Variants in STX8 observed in about 807,000 individuals in gnomAD.
STX8 encodes the protein syntaxin-8.
A neutral mutation model predicts 37.5 loss-of-function variants in STX8; 23 were observed. That is an observed-to-expected ratio of 0.61 (90% CI 0.44 to 0.87). The LOEUF is 0.87. STX8 is among the 40% of genes least tolerant of loss of function. STX8 has a pLI of 0.00. For synonymous variants in STX8, 115 were observed against 99.1 expected (o/e 1.16, Z -0.95); for missense variants, 313 against 284.7 (o/e 1.10, Z -0.71).
intron 6 of STX8, among the ~76,000 whole-genome samples, chr17:9,403,551 C>T (rs1912698832): frequency 6.6e-6 from 1 of 152,056 alleles, no homozygotes; most frequent in Non-Finnish European, 1.5e-5. Flanking sequence ...GAAATAGCAG[C>T]ATATTATTTA....
At chr17:9,460,731 C>G (rs958049583) in intron 6 of STX8, among the ~76,000 whole-genome samples, 7 of 149,688 alleles carry the variant, frequency 4.7e-5, no homozygotes, top group Admixed American at 6.7e-5. Context: ...ATATCTTTAT[C>G]ATGTAGAAAG....
intron 6 of STX8, among the ~76,000 whole-genome samples, chr17:9,444,151 T>TTC (rs768304552): frequency 1.4e-5 from 2 of 146,542 alleles, no homozygotes; most frequent in Non-Finnish European, 3.1e-5. Flanking sequence ...TCTTCTCTCT[T>TTC]TCTCTCTCTC....
intron 7 of STX8, among the ~76,000 whole-genome samples, chr17:9,363,766 A>G (rs1158419723): frequency 6.6e-6 from 1 of 152,114 alleles, no homozygotes; most frequent in African/African-American, 2.4e-5. Context: ...AAAAGATTCT[A>G]CTCTGTGATC....
In STX8 at chr17:9,378,557, G is replaced by A; in HGVS notation, c.638C>T (p.Ser213Phe). The A allele has an allele frequency of 6.2e-7, 1 of 1,613,308 alleles. No homozygotes were observed. Among genetic ancestry groups the A allele is most frequent in the Non-Finnish European group, 8.5e-7 (1 of 1,179,348 alleles). ...ATAACGTAGCTATCTCTTACCACAA[G>A]AGGCTGACTTTCTGTCCACCATGTT... ...RVNMVDRKSA[S>F]CGMIMVILLL... is the part of the protein sequence containing the mutation. Residue 213 changes from serine to phenylalanine, a missense_variant, in exon 7 of 8, where the codon TCT becomes TTT. Coordinates refer to ENST00000306357, the MANE Select transcript of STX8 (RefSeq NM_004853.3).
chr17:9,506,269 C>A (rs73973790), intron 4 of STX8, among the ~76,000 whole-genome samples: 1 of 152,068 alleles, frequency 6.6e-6, no homozygotes, highest in South Asian at 2.1e-4. Context: ...CAGGACACGA[C>A]CTTCTGACCA....
At chr17:9,359,501 A>AT (rs1567796890) in intron 7 of STX8, among the ~76,000 whole-genome samples, 6 of 111,636 alleles carry the variant, frequency 5.4e-5, no homozygotes, top group African/African-American at 1.4e-4. Flanking sequence ...ATGCTGAGAC[A>AT]TATTTTTTTT....
intron 7 of STX8, among the ~76,000 whole-genome samples, chr17:9,313,408 G>A (rs58408188): frequency 0.26 from 39,806 of 152,104 alleles, 6,576 homozygotes; most frequent in Non-Finnish European, 0.37. Flanking sequence ...ACCCAACCAA[G>A]TTTTGAGGAT....
intron 6 of STX8, among the ~76,000 whole-genome samples, chr17:9,382,648 G>A (rs1030414791): frequency 2.0e-5 from 3 of 152,146 alleles, no homozygotes; most frequent in Non-Finnish European, 2.9e-5. Flanking sequence ...AAAGCATAGT[G>A]TTTGTATGAG....
At chr17:9,255,483 TGC>T (rs1218803283) in intron 7 of STX8, among the ~76,000 whole-genome samples, 1 of 151,612 alleles carries the variant, frequency 6.6e-6, no homozygotes, top group African/African-American at 2.4e-5. Flanking sequence ...ACTGAGATTG[TGC>T]CACTGCACTC....
chr17:9,378,982 C>T (rs561796120), intron 6 of STX8, among the ~76,000 whole-genome samples: 48 of 152,186 alleles, frequency 3.2e-4, no homozygotes, highest in East Asian at 3.1e-3. Flanking sequence ...CGGTGGCTCA[C>T]GCCTATAATC....
At chr17:9,425,334 TG>T (rs1433285936) in intron 6 of STX8, among the ~76,000 whole-genome samples, 1 of 152,198 alleles carries the variant, frequency 6.6e-6, no homozygotes, top group African/African-American at 2.4e-5. Flanking sequence ...TTATCACACA[TG>T]CTCCTGTCCA....
At chr17:9,402,094 TTTTGTTTA>T (rs1330801900) in intron 6 of STX8, among the ~76,000 whole-genome samples, 14 of 131,424 alleles carry the variant, frequency 1.1e-4, no homozygotes, top group African/African-American at 4.3e-4. Context: ...AGCCCTTGTA[TTTTGTTTA>T]TTTATTTATT....
intron 4 of STX8, among the ~76,000 whole-genome samples, chr17:9,527,185 CAAAAAAAA>C (rs61665330): frequency 6.0e-5 from 3 of 49,634 alleles, no homozygotes; most frequent in Non-Finnish European, 9.5e-5. Flanking sequence ...GACTCCGTCT[CAAAAAAAA>C]AAAAAAAAAA....
At chr17:9,317,952 A>G (rs1221026300) in intron 7 of STX8, among the ~76,000 whole-genome samples, 1 of 152,146 alleles carries the variant, frequency 6.6e-6, no homozygotes, top group Non-Finnish European at 1.5e-5. Context: ...AGGCCCATCA[A>G]TCAGCCAGCT....
intron 7 of STX8, among the ~76,000 whole-genome samples, chr17:9,301,877 C>T (rs1407775443): frequency 6.6e-6 from 1 of 152,186 alleles, no homozygotes; most frequent in Non-Finnish European, 1.5e-5. Flanking sequence ...ATAAGTGAGA[C>T]TGGCATCCAG....
In STX8 at chr17:9,252,133, C is replaced by T. The variant is rs1400084828; in HGVS notation, c.644-1488G>A. ...CAGCCTGGCTAACATGGTGAAACCC[C>T]GTCTCTACTAAAAATATATTTAAAA... On this transcript the variant is annotated intron_variant, in intron 7 of 7. Transcript: ENST00000306357. Among the ~76,000 whole-genome samples, 5 of 146,476 alleles carry T rather than the reference C, an allele frequency of 3.4e-5. No individual in the cohort carries two copies. The Admixed American group carries it at 3.5e-4, about 10-fold the overall frequency.
At chr17:9,503,751 T>C (rs1904711439) in intron 5 of STX8, among the ~76,000 whole-genome samples, 2 of 152,142 alleles carry the variant, frequency 1.3e-5, no homozygotes, top group African/African-American at 2.4e-5. Context: ...CCATAACACA[T>C]ACTAAGTGGT....
At chr17:9,377,630 T>C (rs896558944) in intron 7 of STX8, among the ~76,000 whole-genome samples, 1 of 152,144 alleles carries the variant, frequency 6.6e-6, no homozygotes, top group East Asian at 1.9e-4. Context: ...CTGGCTATTT[T>C]TTTGTATCTT....
chr17:9,465,472 A>G (rs1335573668), intron 6 of STX8, among the ~76,000 whole-genome samples: 1 of 152,116 alleles, frequency 6.6e-6, no homozygotes, highest in Admixed American at 6.5e-5. Flanking sequence ...GCCAATCAAA[A>G]CCAGACGGTT....
Sources: allele counts gnomAD v4.1 joint callset (sites outside exome capture counted in the v4.1 genomes callset), GRCh38; gene constraint gnomAD v4.1.1; transcripts MANE v1.5; gene names NCBI Gene and HGNC (gene_info 2026-07-23, HGNC 2026-07-21).